The following FSTL4 variants were observed in gnomAD, a reference collection of about 807,000 sequenced individuals.
FSTL4 encodes follistatin like 4, also known as follistatin-related protein 4.
A neutral mutation model predicts 78.2 loss-of-function variants in FSTL4; 28 were observed. The ratio of observed to expected loss-of-function variants is 0.36; its 90% CI spans 0.27 to 0.49. The LOEUF is 0.49. FSTL4 is among the 20% of genes least tolerant of loss of function. FSTL4 has a pLI of 0.98. For missense variants in FSTL4, 922 were observed against 1,084.9 expected (o/e 0.85, Z 2.11); for synonymous variants, 422 against 440.5 (o/e 0.96, Z 0.53).
intron 4 of FSTL4, among the ~76,000 whole-genome samples, chr5:133,322,244 CA>C: frequency 6.0e-5 from 7 of 116,276 alleles, no homozygotes; most frequent in African/African-American, 2.5e-4. Context: ...CACACACCCC[CA>C]CACCCACCCA....
At chr5:133,359,318 T>C (rs1755017767) in intron 4 of FSTL4, among the ~76,000 whole-genome samples, 1 of 152,240 alleles carries the variant, frequency 6.6e-6, no homozygotes, top group Non-Finnish European at 1.5e-5. Flanking sequence ...ACTGTATCTA[T>C]CATTTTCCTG....
At chr5:133,633,904 A>T in the FSTL4 span, among the ~76,000 whole-genome samples, 187 of 152,202 alleles carry the variant, frequency 1.2e-3, no homozygotes, top group Non-Finnish European at 2.0e-3. Flanking sequence ...GTAGGAATTC[A>T]ATCTTCCTAT....
intron 3 of FSTL4, among the ~76,000 whole-genome samples, chr5:133,531,400 T>C (rs762210728): frequency 1.9e-4 from 29 of 152,262 alleles, no homozygotes; most frequent in South Asian, 8.3e-4. Context: ...AGGATTATTC[T>C]TACCCATGAC....
At chr5:133,232,460 A>C (rs1560083) in intron 8 of FSTL4, among the ~76,000 whole-genome samples, 72,754 of 152,026 alleles carry the variant, frequency 0.48, 17,703 homozygotes, top group East Asian at 0.7. Context: ...CTGAGGGGCC[A>C]CCAGCTCTGA....
At chr5:133,736,180 T>C in the FSTL4 span, among the ~76,000 whole-genome samples, 1 of 152,162 alleles carries the variant, frequency 6.6e-6, no homozygotes, top group Admixed American at 6.5e-5. Context: ...CCAAGGAGGA[T>C]GTGTTCAGTT....
At chr5:133,591,124 C>T (rs1760616236) in intron 2 of FSTL4, among the ~76,000 whole-genome samples, 1 of 152,168 alleles carries the variant, frequency 6.6e-6, no homozygotes, top group Non-Finnish European at 1.5e-5. Context: ...AGGGTAGTGA[C>T]TGGCAAAATG....
the FSTL4 span, among the ~76,000 whole-genome samples, chr5:133,651,022 T>A: frequency 6.6e-6 from 1 of 152,228 alleles, no homozygotes; most frequent in African/African-American, 2.4e-5. Context: ...ATTCTGTTTT[T>A]AATTTCAAAT....
chr5:133,360,155 T>C, intron 4 of FSTL4, among the ~76,000 whole-genome samples: 1 of 152,204 alleles, frequency 6.6e-6, no homozygotes, highest in East Asian at 1.9e-4. Flanking sequence ...TCGTCCCCAA[T>C]CGGGTACCTA....
intron 4 of FSTL4, among the ~76,000 whole-genome samples, chr5:133,360,949 T>C (rs916921519): frequency 6.6e-6 from 1 of 152,132 alleles, no homozygotes; most frequent in Admixed American, 6.5e-5. Context: ...TAAAGCAAAA[T>C]TTGGGAAATT....
At chr5:133,224,163 A>G (rs1388566420) in intron 11 of FSTL4, 27 bp downstream of exon 11, 2 of 1,601,986 alleles carry the variant, frequency 1.2e-6, no homozygotes, top group African/African-American at 2.7e-5. Context: ...GATCACAGGC[A>G]TGACGCAAAA....
intron 4 of FSTL4, among the ~76,000 whole-genome samples, chr5:133,396,846 C>G (rs527746067): frequency 4.7e-4 from 72 of 152,198 alleles, no homozygotes; most frequent in African/African-American, 1.7e-3. Context: ...TCTTAGTGAG[C>G]CTGTAGTATG....
the FSTL4 span, among the ~76,000 whole-genome samples, chr5:133,624,561 A>C: frequency 6.6e-6 from 1 of 151,824 alleles, no homozygotes; most frequent in Non-Finnish European, 1.5e-5. Flanking sequence ...TGATTTGTTC[A>C]TTTTAAAATG....
intron 4 of FSTL4, among the ~76,000 whole-genome samples, chr5:133,380,523 A>G (rs764308421): frequency 1.5e-4 from 23 of 152,136 alleles, no homozygotes; most frequent in Middle Eastern, 3.4e-3. Context: ...AAAGAGATTT[A>G]GTTATTTAAA....
At chr5:133,430,497 A>C (rs541978236) in intron 3 of FSTL4, among the ~76,000 whole-genome samples, 12 of 152,330 alleles carry the variant, frequency 7.9e-5, no homozygotes, top group African/African-American at 2.9e-4. Flanking sequence ...GGAATAGCCA[A>C]GCCAGAGACC....
At chr5:133,518,638 C>G (rs1235905161) in intron 3 of FSTL4, among the ~76,000 whole-genome samples, 2 of 152,086 alleles carry the variant, frequency 1.3e-5, no homozygotes, top group Non-Finnish European at 2.9e-5. Context: ...CTACTAGACT[C>G]TATGTTAAGG....
At chr5:133,217,051 T>C (rs964050882) in intron 13 of FSTL4, among the ~76,000 whole-genome samples, 178 bp downstream of exon 13, 8 of 152,214 alleles carry the variant, frequency 5.3e-5, no homozygotes, top group Admixed American at 5.2e-4. Flanking sequence ...TGCTCATTCA[T>C]GGCTGTTTCC....
chr5:133,221,891 G>GTTTTTTTTTTTTTTTTTTTT (rs59400068), intron 11 of FSTL4, among the ~76,000 whole-genome samples: 2 of 43,358 alleles, frequency 4.6e-5, no homozygotes, highest in Non-Finnish European at 6.0e-5. Flanking sequence ...CTCTTTTCTA[G>GTTTTTTTTTTTTTTTTTTTT]TTTTTTTTTT....
chr5:133,642,873 T>A, the FSTL4 span, among the ~76,000 whole-genome samples: 1 of 152,200 alleles, frequency 6.6e-6, no homozygotes, highest in Non-Finnish European at 1.5e-5. Flanking sequence ...AAGGAGGAAG[T>A]CTTTGGCCTT....
intron 6 of FSTL4, among the ~76,000 whole-genome samples, chr5:133,261,376 A>G (rs977794417): frequency 1.6e-4 from 25 of 152,194 alleles, no homozygotes; most frequent in African/African-American, 6.0e-4. Context: ...ACTATAAACT[A>G]AAAATAAAAT....
Sources: gnomAD v4.1 joint callset for allele counts (sites outside exome capture counted in the v4.1 genomes callset) on GRCh38, gnomAD v4.1.1 for gene constraint, MANE v1.5 for transcripts, NCBI Gene and HGNC (gene_info 2026-07-23, HGNC 2026-07-21) for gene names.